Variants in ANGPTL5 observed in about 807,000 individuals in gnomAD.
ANGPTL5 encodes the protein angiopoietin-related protein 5.
A neutral mutation model predicts 39.4 loss-of-function variants in ANGPTL5; 34 were observed. The ratio of observed to expected loss-of-function variants is 0.86; its 90% CI spans 0.66 to 1.15. The LOEUF (loss-of-function observed/expected upper bound fraction) is 1.15, where lower values mean the gene tolerates loss of function less well. Ranked by LOEUF, ANGPTL5 falls within the 50% of genes most tolerant of loss-of-function variation. The pLI is 0.00. For synonymous variants in ANGPTL5, 146 were observed against 152.1 expected (o/e 0.96, Z 0.29); for missense variants, 467 against 457.5 (o/e 1.02, Z -0.19).
At chr11:101,895,823 T>C (rs1939781293) in intron 7 of ANGPTL5, among the ~76,000 whole-genome samples, 1 of 152,194 alleles carries the variant, frequency 6.6e-6, no homozygotes, top group African/African-American at 2.4e-5. Flanking sequence ...CTCTGAGATA[T>C]ATGCCTCTAC....
intron 1 of ANGPTL5, among the ~76,000 whole-genome samples, chr11:101,910,853 ATC>A (rs1940080030): frequency 6.6e-6 from 1 of 152,078 alleles, no homozygotes; most frequent in African/African-American, 2.4e-5. Context: ...TTCTGGTCTT[ATC>A]TCCTACAACC....
chr11:101,901,054 G>T (rs10895217), intron 6 of ANGPTL5, among the ~76,000 whole-genome samples: 66,653 of 126,168 alleles, frequency 0.53, 16,313 homozygotes, highest in East Asian at 0.8. Context: ...ATTTTTGTAT[G>T]TTTTAGTAGA....
rs548366841 is a variant in ANGPTL5 at position 101,899,068 on chromosome 11, G to A, written c.661+1362C>T. On this transcript the variant is annotated intron_variant, in intron 7 of 8. Coordinates refer to ENST00000334289, the MANE Select transcript of ANGPTL5 (RefSeq NM_178127.5). ...TTCCAGTATTTTATTGAGGATTTTC[G>A]CATCAATGTTCATCAGGGATATTGG... Among the ~76,000 whole-genome samples, 14 of 152,220 alleles carry A rather than the reference G, an allele frequency of 9.2e-5. No individual in the cohort carries two copies. In the East Asian group the frequency reaches 2.3e-3, roughly 25 times the overall value.
intron 5 of ANGPTL5, 107 bp from the exon 6 acceptor site, chr11:101,902,828 ATTATT>A (rs1336431900): frequency 7.3e-6 from 5 of 686,004 alleles, no homozygotes; most frequent in African/African-American, 3.6e-5. Flanking sequence ...TCATTATTAT[ATTATT>A]TTAACTTCTT....
chr11:101,900,535 C>G lies in ANGPTL5; in HGVS notation c.556G>C (p.Asp186His). ...ACAGTCCGTCCACCTCCTCTGTAAT[C>G]CATGTCACACATTACCTAAAATAAG... Reference protein sequence around the residue: ...SYPFEVMCDMDYRGGGRTVIQ... With the variant: ...SYPFEVMCDMHYRGGGRTVIQ... The change falls in exon 7 of 9, where the codon GAT (aspartate) becomes CAT (histidine). Residue 186 changes from aspartate to histidine, a missense_variant. By Grantham distance (81) the Asp-to-His change is moderately conservative (BLOSUM62 -1). Transcript: ENST00000334289. 6.2e-7 allele frequency: 1 copy of G among 1,610,890 alleles called. No homozygotes were observed. The highest frequency in any genetic ancestry group is 8.5e-7 in the Non-Finnish European group (1 of 1,177,314).
chr11:101,903,652 T>C (rs1939947446), intron 5 of ANGPTL5, among the ~76,000 whole-genome samples: 1 of 152,136 alleles, frequency 6.6e-6, no homozygotes, highest in Admixed American at 6.5e-5. Flanking sequence ...CATAGATTTG[T>C]TGTTGCCTGT....
intron 1 of ANGPTL5, 128 bp from the exon 2 acceptor site, chr11:101,908,129 CTTT>C: frequency 2.3e-6 from 1 of 437,770 alleles, no homozygotes. Flanking sequence ...TGTACAATTC[CTTT>C]TTTATCACTT....
At position 101,891,021 on chromosome 11, in the gene ANGPTL5, G is replaced by T; in HGVS notation, c.*258C>A. ...CCTTTAAAATCACTATAAATTTTAG[G>T]AAGACAAGTTGTAGTTCACTTGAAA... On this transcript the variant is annotated 3_prime_UTR_variant, in exon 9 of 9. Transcript: ENST00000334289. 3.7e-6 allele frequency: 1 copy of T among 273,486 alleles called. No homozygotes were observed. Among genetic ancestry groups the T allele is most frequent in the Admixed American group, 4.8e-5 (1 of 20,896 alleles). 16.9% of individuals were successfully genotyped at this position (273,486 alleles called of 1,614,324 possible).
At chr11:101,909,210 C>T (rs994672309) in intron 1 of ANGPTL5, among the ~76,000 whole-genome samples, 4 of 152,234 alleles carry the variant, frequency 2.6e-5, no homozygotes, top group African/African-American at 7.2e-5. Context: ...TTTCCTTCCT[C>T]ACCACCTACT....
chr11:101,907,229 T>C lies in ANGPTL5; in HGVS notation c.115A>G (p.Ile39Val). Residue 39 changes from isoleucine to valine, a missense_variant, in exon 3 of 9, where the codon ATT becomes GTT. Transcript: ENST00000334289. ...HHSTDSSVVN[I>V]VEDGSNAKDE... is the part of the protein sequence containing the mutation. The stretch of plus-strand genomic sequence containing the variant: ...TTTGCATTAGATCCATCTTCTACAA[T>C]GTTAACTACTGAAGAGTCCTTTATA... 1 of 1,520,502 alleles carries C rather than the reference T, an allele frequency of 6.6e-7. No homozygotes were observed. Among genetic ancestry groups the C allele is most frequent in the South Asian group, 1.2e-5 (1 of 86,422 alleles). The allele number at this position is 1,520,502 out of a possible 1,614,324, so 94.2% of individuals were successfully genotyped here.
At chr11:101,908,599 C>T (rs937715528) in intron 1 of ANGPTL5, among the ~76,000 whole-genome samples, 32 of 151,728 alleles carry the variant, frequency 2.1e-4, no homozygotes, top group African/African-American at 5.1e-4. Flanking sequence ...GTCAACATGG[C>T]GAAACCTCGT....
intron 7 of ANGPTL5, among the ~76,000 whole-genome samples, chr11:101,896,026 G>A (rs1331350082): frequency 6.6e-6 from 1 of 151,984 alleles, no homozygotes; most frequent in Admixed American, 6.6e-5. Context: ...AGTGGGCCCA[G>A]TAAAATGGCT....
At chr11:101,913,384 T>G (rs972103173) in intron 1 of ANGPTL5, among the ~76,000 whole-genome samples, 4 of 152,214 alleles carry the variant, frequency 2.6e-5, no homozygotes, top group Non-Finnish European at 5.9e-5. Flanking sequence ...TCCTCCTATA[T>G]CCTATAAATT....
chr11:101,896,091 CT>C (rs1344606213), intron 7 of ANGPTL5, among the ~76,000 whole-genome samples: 1 of 152,050 alleles, frequency 6.6e-6, no homozygotes, highest in Non-Finnish European at 1.5e-5. Flanking sequence ...TTAAGTGCCC[CT>C]GCCATCATTT....
At chr11:101,893,914 T>C (rs774432971) in intron 8 of ANGPTL5, among the ~76,000 whole-genome samples, 15 of 152,152 alleles carry the variant, frequency 9.9e-5, no homozygotes, top group Non-Finnish European at 2.2e-4. Context: ...AGCCTAACCA[T>C]TCTTCCAAGA....
In ANGPTL5 at chr11:101,896,680, A is replaced by G. The variant is rs184332645; in HGVS notation, c.662-1616T>C. 2.2e-4 allele frequency among the ~76,000 whole-genome samples: 33 copies of G among 152,328 alleles called. No individual in the cohort carries two copies. In the East Asian group the frequency reaches 5.2e-3, roughly 24 times the overall value. ...CTTCATCCATGTCCCTGCAAAGGAC[A>G]TGAACTCATTCTTTTTATGGCTGCA... is the stretch of plus-strand genomic sequence containing the variant. On this transcript the variant is annotated intron_variant, in intron 7 of 8. Transcript: ENST00000334289.
At chr11:101,895,188 G>T in intron 7 of ANGPTL5, 124 bp from the exon 8 acceptor site, 2 of 793,978 alleles carry the variant, frequency 2.5e-6, no homozygotes, top group South Asian at 4.2e-5. Context: ...GTAATTAAAG[G>T]CACTGGATGA....
intron 8 of ANGPTL5, 90 bp downstream of exon 8, chr11:101,894,789 C>T (rs2137050408): frequency 8.0e-7 from 1 of 1,251,458 alleles, no homozygotes; most frequent in South Asian, 1.3e-5. Flanking sequence ...GTGTTATATA[C>T]AAAGACAAAT....
intron 1 of ANGPTL5, among the ~76,000 whole-genome samples, chr11:101,915,753 A>G (rs1479971128): frequency 6.6e-6 from 1 of 152,216 alleles, no homozygotes; most frequent in Non-Finnish European, 1.5e-5. Flanking sequence ...TTCCTGATTT[A>G]TCGTACTACT....
Sources: allele counts gnomAD v4.1 joint callset (sites outside exome capture counted in the v4.1 genomes callset), GRCh38; gene constraint gnomAD v4.1.1; transcripts MANE v1.5; gene names NCBI Gene and HGNC (gene_info 2026-07-23, HGNC 2026-07-21).